NTM: variants seen among roughly 807,000 people sequenced by gnomAD.
NTM encodes neurotrimin.
Under a neutral mutation model 42.1 loss-of-function variants are expected in NTM, and 13 were observed. That is an observed-to-expected ratio of 0.31 (90% CI 0.20 to 0.49). The LOEUF is 0.49. NTM is among the 20% of genes least tolerant of loss of function. NTM has a pLI of 0.99. For missense variants in NTM, 373 were observed against 452.8 expected, an observed-to-expected ratio of 0.82 and a Z score of 1.60; for synonymous variants, 187 against 179.2, an observed-to-expected ratio of 1.04 and a Z score of -0.35.
Position 131,374,002 on chromosome 11 carries a change from C to T in NTM, c.82+3114C>T, listed in dbSNP as rs182841479. Among the ~76,000 whole-genome samples, 383 of 152,312 alleles carry T rather than the reference C, an allele frequency of 2.5e-3. 1 individual carries two copies. The highest frequency in any genetic ancestry group is 8.8e-3 in the African/African-American group (364 of 41,578). ...GCCATGCACAGTACACACGTGGTGC[C>T]AGCAGCAGCTTGAGCTGGGCAATGC... On this transcript the variant is annotated intron_variant, in intron 1 of 8. Coordinates refer to ENST00000683400, the MANE Select transcript of NTM (RefSeq NM_001352005.2).
intron 4 of NTM, among the ~76,000 whole-genome samples, chr11:132,272,442 T>C (rs963621703): frequency 3.9e-5 from 6 of 152,192 alleles, no homozygotes; most frequent in African/African-American, 1.2e-4. Flanking sequence ...ATAGCAATTA[T>C]ATTAAATCTG....
intron 1 of NTM, among the ~76,000 whole-genome samples, chr11:131,735,517 T>C (rs942060932): frequency 1.3e-5 from 2 of 152,360 alleles, no homozygotes; most frequent in African/African-American, 4.8e-5. Flanking sequence ...TGGGGTTGTA[T>C]TGTCTGAAAC....
At chr11:131,763,172 CCTGA>C (rs2084507039) in intron 1 of NTM, among the ~76,000 whole-genome samples, 1 of 152,164 alleles carries the variant, frequency 6.6e-6, no homozygotes. Flanking sequence ...ACCCAGGCAG[CCTGA>C]CTGCCAAGCT....
At chr11:131,805,963 A>T (rs2092458822) in intron 1 of NTM, among the ~76,000 whole-genome samples, 3 of 152,238 alleles carry the variant, frequency 2.0e-5, no homozygotes, top group African/African-American at 7.2e-5. Context: ...CGCTTTTGAT[A>T]AGGAATATAA....
At chr11:131,577,810 T>G (rs1327800181) in intron 1 of NTM, among the ~76,000 whole-genome samples, 2 of 152,188 alleles carry the variant, frequency 1.3e-5, no homozygotes, top group African/African-American at 4.8e-5. Flanking sequence ...TTAGATTTAT[T>G]AAGATTAAGT....
chr11:131,545,714 A>G (rs760006467), intron 1 of NTM, among the ~76,000 whole-genome samples: 2 of 152,212 alleles, frequency 1.3e-5, no homozygotes, highest in Non-Finnish European at 2.9e-5. Context: ...GAGCAGGTCT[A>G]TGGGGACATA....
intron 1 of NTM, among the ~76,000 whole-genome samples, chr11:131,757,741 T>C (rs567003460): frequency 7.2e-5 from 11 of 152,260 alleles, no homozygotes; most frequent in African/African-American, 1.9e-4. Context: ...ATTCCCAAGG[T>C]ATACATATAA....
At chr11:132,214,712 C>A (rs1408500419) in intron 4 of NTM, among the ~76,000 whole-genome samples, 1 of 152,080 alleles carries the variant, frequency 6.6e-6, no homozygotes, top group Non-Finnish European at 1.5e-5. Flanking sequence ...CCTTTTGTGA[C>A]CATCGAACAG....
chr11:132,115,674 A>T (rs911185355), intron 2 of NTM, among the ~76,000 whole-genome samples: 4 of 152,184 alleles, frequency 2.6e-5, no homozygotes, highest in African/African-American at 7.2e-5. Flanking sequence ...CCCAGGAGCT[A>T]TTGAATAAGC....
At chr11:131,820,829 C>A (rs1213221045) in intron 1 of NTM, among the ~76,000 whole-genome samples, 2 of 152,148 alleles carry the variant, frequency 1.3e-5, no homozygotes, top group Non-Finnish European at 2.9e-5. Context: ...TTGTACTTAG[C>A]AATCCATTTG....
intron 1 of NTM, among the ~76,000 whole-genome samples, chr11:131,644,586 G>T (rs188580430): frequency 1.3e-5 from 2 of 152,034 alleles, no homozygotes; most frequent in Admixed American, 6.6e-5. Flanking sequence ...ATAACAATGC[G>T]GTATACCAGC....
chr11:132,080,212 T>A (rs1334531340), intron 2 of NTM, among the ~76,000 whole-genome samples: 3 of 152,152 alleles, frequency 2.0e-5, no homozygotes, highest in Non-Finnish European at 4.4e-5. Context: ...CAATGCCCCC[T>A]GGCCCTCCCA....
intron 1 of NTM, among the ~76,000 whole-genome samples, chr11:131,819,989 T>C (rs911321141): frequency 3.3e-5 from 5 of 152,192 alleles, no homozygotes; most frequent in African/African-American, 1.2e-4. Flanking sequence ...ATTAGGGCCT[T>C]TGTTCCATTT....
At chr11:132,127,486 C>A (rs917605673) in intron 2 of NTM, among the ~76,000 whole-genome samples, 1 of 152,242 alleles carries the variant, frequency 6.6e-6, no homozygotes, top group Admixed American at 6.5e-5. Context: ...CACAGGTCCC[C>A]TGTGACATCC....
At chr11:131,871,644 T>G (rs1435423435) in intron 1 of NTM, among the ~76,000 whole-genome samples, 1 of 152,224 alleles carries the variant, frequency 6.6e-6, no homozygotes, top group Non-Finnish European at 1.5e-5. Context: ...TTTATGGGCT[T>G]GTTCTCTCCC....
intron 1 of NTM, among the ~76,000 whole-genome samples, chr11:131,383,761 A>G (rs567820176): frequency 8.7e-4 from 133 of 152,320 alleles, no homozygotes; most frequent in African/African-American, 3.2e-3. Context: ...CCACATTTGC[A>G]GTTGTAGTGG....
At chr11:132,317,473 G>C (rs1465065447) in intron 7 of NTM, among the ~76,000 whole-genome samples, 5 of 152,074 alleles carry the variant, frequency 3.3e-5, no homozygotes, top group Non-Finnish European at 7.4e-5. Flanking sequence ...AAGCATGTCA[G>C]CGTTTCTCTT....
chr11:131,877,274 G>A (rs75762338), intron 1 of NTM, among the ~76,000 whole-genome samples: 2,166 of 152,294 alleles, frequency 0.014, 22 homozygotes, highest in Non-Finnish European at 0.021. Context: ...TTAAGGATCT[G>A]CATTGTTCAG....
chr11:132,008,677 G>C (rs1296274747), intron 2 of NTM, among the ~76,000 whole-genome samples: 1 of 151,872 alleles, frequency 6.6e-6, no homozygotes, highest in Non-Finnish European at 1.5e-5. Flanking sequence ...AAACATGTCT[G>C]TTTCACAGAA....
Sources: gnomAD v4.1 joint callset for allele counts (sites outside exome capture counted in the v4.1 genomes callset) on GRCh38, gnomAD v4.1.1 for gene constraint, MANE v1.5 for transcripts, NCBI Gene and HGNC (gene_info 2026-07-23, HGNC 2026-07-21) for gene names.